NKX2-6: variants seen among roughly 807,000 people sequenced by gnomAD.
NKX2-6 encodes homeobox protein Nkx-2.6.
A neutral mutation model predicts 8.6 loss-of-function variants in NKX2-6; 8 were observed. The ratio of observed to expected loss-of-function variants is 0.93; its 90% confidence interval spans 0.54 to 1.67. The LOEUF (loss-of-function observed/expected upper bound fraction) is 1.67, where lower values mean the gene tolerates loss of function less well. Among genes scored for constraint, NKX2-6 ranks in the 40% most tolerant of loss-of-function variants. The pLI is 0.00. For missense variants in NKX2-6, 475 were observed against 423.1 expected (o/e 1.12, Z -1.08); for synonymous variants, 210 against 199.3 (o/e 1.05, Z -0.45).
At position 23,703,078 on chromosome 8, in the gene NKX2-6, G is replaced by A. The variant is rs557722998; in HGVS notation, c.279C>T (p.Pro93=). The A allele has an allele frequency of 6.5e-7, 1 of 1,539,666 alleles. No individual in the cohort carries two copies. Among genetic ancestry groups the A allele is most frequent in the South Asian group, 1.2e-5 (1 of 83,910 alleles). The change falls in exon 2 of 2, where the codon CCC becomes CCT. Residue 93 remains proline, a synonymous_variant. Coordinates refer to ENST00000325017, the MANE Select transcript of NKX2-6 (RefSeq NM_001136271.3). ...MDAERMGEPQ[P]GLNAASPLGG... ...CGAGGGGCGAGGCCGCGTTCAGGCC[G>A]GGCTCTAAAAGCACAGGAAGGGACA...
rs557722998 is a variant in NKX2-6, at chr8:23,703,078, G to C, written c.279C>G (p.Pro93=). Residue 93 remains proline, a synonymous_variant, in exon 2 of 2, where the codon CCC becomes CCG. Coordinates refer to ENST00000325017, the MANE Select transcript of NKX2-6 (RefSeq NM_001136271.3). ...CGAGGGGCGAGGCCGCGTTCAGGCC[G>C]GGCTCTAAAAGCACAGGAAGGGACA... ...MDAERMGEPQ[P]GLNAASPLGG... is the part of the protein sequence containing the mutation. The C allele has an allele frequency of 3.2e-6, 5 of 1,539,666 alleles. No individual in the cohort carries two copies. The highest frequency in any genetic ancestry group is 4.4e-6 in the Non-Finnish European group (5 of 1,146,094).
intron 1 of NKX2-6, among the ~76,000 whole-genome samples, chr8:23,704,673 C>T (rs908843254): frequency 3.9e-5 from 6 of 152,208 alleles, no homozygotes; most frequent in East Asian, 3.9e-4. Flanking sequence ...CCTTCAGAGA[C>T]GTCTGTGCTC....
Position 23,702,123 on chromosome 8 carries a change from G to C in NKX2-6, c.*328C>G, listed in dbSNP as rs1020300141. ...CTGCGTACAGATGCAAGAGCCTCTC[G>C]GGCCTCTGGGGTTGAAGCCCCAAAA... On this transcript the variant is annotated 3_prime_UTR_variant, in exon 2 of 2. Transcript: ENST00000325017. 2.0e-5 allele frequency among the ~76,000 whole-genome samples: 3 copies of C among 152,094 alleles called. No homozygotes were observed. The highest frequency in any genetic ancestry group is 6.5e-5 in the Admixed American group (1 of 15,268).
At chr8:23,703,129 C>T (rs781363475) in intron 1 of NKX2-6, 47 bp from the exon 2 acceptor site, 1 of 1,512,034 alleles carries the variant, frequency 6.6e-7, no homozygotes, top group Non-Finnish European at 8.8e-7. Flanking sequence ...TAAGGCTCAC[C>T]TGAGCGGTTC....
At chr8:23,703,513 G>A (rs1239458775) in intron 1 of NKX2-6, among the ~76,000 whole-genome samples, 2 of 152,074 alleles carry the variant, frequency 1.3e-5, no homozygotes, top group African/African-American at 4.8e-5. Flanking sequence ...TGGCTAACAC[G>A]ATGAAACCCC....
intron 1 of NKX2-6, among the ~76,000 whole-genome samples, chr8:23,703,475 T>G (rs1801041795): frequency 6.6e-6 from 1 of 152,140 alleles, no homozygotes; most frequent in Non-Finnish European, 1.5e-5. Context: ...GACGGGCGGA[T>G]CACGAGGTCA....
chr8:23,703,233 G>C (rs527724507), intron 1 of NKX2-6, among the ~76,000 whole-genome samples, 151 bp from the exon 2 acceptor site: 1 of 152,186 alleles, frequency 6.6e-6, no homozygotes, highest in African/African-American at 2.4e-5. Flanking sequence ...GTCCCAGGAC[G>C]AACCCTGTCC....
chr8:23,706,265 G>C (rs1319272255), intron 1 of NKX2-6, 60 bp downstream of exon 1: 1 of 1,458,294 alleles, frequency 6.9e-7, no homozygotes, highest in South Asian at 1.4e-5. Flanking sequence ...ATGCACCCAT[G>C]GATCACGCCC....
rs873299 is a variant in NKX2-6 at position 23,701,920 on chromosome 8, G to C, written c.*531C>G. On this transcript the variant is annotated 3_prime_UTR_variant, in exon 2 of 2. Transcript: ENST00000325017. ...TTATGGGGATGTTTAAGTCCCAAAGGAAGAGGCTCAAAGCAGGTTACTCTT... is the reference window on the plus strand; with the variant it reads ...TTATGGGGATGTTTAAGTCCCAAAGCAAGAGGCTCAAAGCAGGTTACTCTT... 4.9e-3 allele frequency among the ~76,000 whole-genome samples: 742 copies of C among 152,262 alleles called. 3 individuals are homozygous for C. The highest frequency in any genetic ancestry group is 0.017 in the African/African-American group (695 of 41,536).
At chr8:23,706,060 G>A (rs1193897168) in intron 1 of NKX2-6, among the ~76,000 whole-genome samples, 1 of 152,152 alleles carries the variant, frequency 6.6e-6, no homozygotes, top group African/African-American at 2.4e-5. Context: ...TGAGCGATGC[G>A]TTTGTGGGAA....
intron 1 of NKX2-6, among the ~76,000 whole-genome samples, chr8:23,703,712 A>AAC (rs1230337278): frequency 1.1e-4 from 5 of 46,794 alleles, no homozygotes; most frequent in Middle Eastern, 6.3e-3. Context: ...CAAACAAACA[A>AAC]AAAACAAACA....
chr8:23,702,539 A>T lies in NKX2-6; in HGVS notation c.818T>A (p.Leu273Gln). Residue 273 changes from leucine to glutamine, a missense_variant, in exon 2 of 2, where the codon CTG becomes CAG. By Grantham distance (113) the Leu-to-Gln change is moderately radical (BLOSUM62 -2). Coordinates refer to ENST00000325017, the MANE Select transcript of NKX2-6 (RefSeq NM_001136271.3). ...ACCGTGTCCGAAGCCCGCGCTGGCC[A>T]GTGGTGTGTGTGGCGCAGGACCCGA... is the stretch of plus-strand genomic sequence containing the variant. ...APSGPAPHTP[L>Q]ASAGFGHGGQ... The T allele has an allele frequency of 6.5e-7, 1 of 1,542,986 alleles. No homozygotes were observed. Among genetic ancestry groups the T allele is most frequent in the Non-Finnish European group, 8.7e-7 (1 of 1,145,852 alleles).
In NKX2-6 at chr8:23,703,051, G is replaced by A; in HGVS notation, c.306C>T (p.Gly102=). ...QPGLNAASPL[G]GGTRVPERGV... ...CGCGCTCTGGCACCCTGGTCCCGCCGCCGAGGGGCGAGGCCGCGTTCAGGC... is the reference window on the plus strand; with the variant it reads ...CGCGCTCTGGCACCCTGGTCCCGCCACCGAGGGGCGAGGCCGCGTTCAGGC... The change falls in exon 2 of 2, where the codon GGC becomes GGT. Residue 102 remains glycine, a synonymous_variant. Transcript: ENST00000325017. 4 of 1,540,296 alleles carry A rather than the reference G, an allele frequency of 2.6e-6. No individual in the cohort carries two copies. The highest frequency in any genetic ancestry group is 3.5e-6 in the Non-Finnish European group (4 of 1,146,148).
chr8:23,705,001 CG>C (rs1801067957), intron 1 of NKX2-6, among the ~76,000 whole-genome samples: 1 of 152,172 alleles, frequency 6.6e-6, no homozygotes, highest in African/African-American at 2.4e-5. Context: ...TTCCTGGAGC[CG>C]GCCTCGGGTC....
chr8:23,705,546 C>T (rs905268171), intron 1 of NKX2-6, among the ~76,000 whole-genome samples: 4 of 152,200 alleles, frequency 2.6e-5, no homozygotes, highest in African/African-American at 2.4e-5. Flanking sequence ...ACTCCCGGAT[C>T]GACGCAACAC....
chr8:23,703,162 C>G, intron 1 of NKX2-6, 80 bp from the exon 2 acceptor site: 1 of 1,453,798 alleles, frequency 6.9e-7, no homozygotes, highest in Middle Eastern at 2.5e-4. Flanking sequence ...CAAGACTTTC[C>G]TCTCCCTGGC....
intron 1 of NKX2-6, among the ~76,000 whole-genome samples, chr8:23,704,008 C>G (rs1264817684): frequency 6.6e-6 from 1 of 152,148 alleles, no homozygotes; most frequent in African/African-American, 2.4e-5. Flanking sequence ...AAGCGCACTG[C>G]AGGGAACTTG....
intron 1 of NKX2-6, among the ~76,000 whole-genome samples, chr8:23,706,049 G>T (rs924346779): frequency 6.6e-6 from 1 of 152,166 alleles, no homozygotes; most frequent in Non-Finnish European, 1.5e-5. Flanking sequence ...GGCTGCGAGT[G>T]TGAGCGATGC....
rs1339208245 is a variant in NKX2-6, at chr8:23,706,306, G to A, written c.274+19C>T. On this transcript the variant is annotated intron_variant, in intron 1 of 1. Transcript: ENST00000325017. ...CCCACATTCCCCCCGTAGGAGGCAA[G>A]ACCTGAGCGCTTACTCACGTGGCTC... 1 of 1,527,290 alleles carries A rather than the reference G, an allele frequency of 6.5e-7. No individual in the cohort carries two copies. The highest frequency in any genetic ancestry group is 8.8e-7 in the Non-Finnish European group (1 of 1,131,954). The allele number at this position is 1,527,290 out of a possible 1,614,324, so 94.6% of individuals were successfully genotyped here. A position where few individuals can be genotyped will look rare whatever the true frequency, so the allele number is the denominator to read the frequency against.
Sources: allele counts gnomAD v4.1 joint callset (sites outside exome capture counted in the v4.1 genomes callset), GRCh38; gene constraint gnomAD v4.1.1; transcripts MANE v1.5; gene names NCBI Gene and HGNC (gene_info 2026-07-23, HGNC 2026-07-21).